TMED3: variants seen among roughly 807,000 people sequenced by gnomAD.
The protein encoded by TMED3 is transmembrane emp24 domain-containing protein 3.
In TMED3, 9 loss-of-function variants were observed where a neutral mutation model predicts 15.0. That is an observed-to-expected ratio of 0.60 (90% confidence interval 0.36 to 1.04). The LOEUF (loss-of-function observed/expected upper bound fraction) is 1.04, where lower values mean the gene tolerates loss of function less well. Among genes scored for constraint, TMED3 ranks in the 50% least tolerant of loss-of-function variants. TMED3 has a pLI of 0.01. For missense variants in TMED3, 267 were observed against 278.9 expected (o/e 0.96, Z 0.30); for synonymous variants, 117 against 121.4 (o/e 0.96, Z 0.24).
downstream of TMED3, among the ~76,000 whole-genome samples, chr15:79,325,955 C>A (rs549277425): frequency 6.6e-6 from 1 of 152,156 alleles, no homozygotes; most frequent in Non-Finnish European, 1.5e-5. Context: ...GGTGGGTCAT[C>A]CTCTCCCAGT....
chr15:79,382,692 A>G (rs1893556808), intron 2 of TMED3, among the ~76,000 whole-genome samples: 1 of 151,966 alleles, frequency 6.6e-6, no homozygotes, highest in South Asian at 2.1e-4. Context: ...GGAAACCTTA[A>G]TCCCTTTCTC....
intron 2 of TMED3, among the ~76,000 whole-genome samples, chr15:79,382,581 C>T (rs1022612550): frequency 6.6e-6 from 1 of 152,226 alleles, no homozygotes; most frequent in Non-Finnish European, 1.5e-5. Flanking sequence ...CTCTGGCCTT[C>T]CCCAGGCTAC....
intron 2 of TMED3, among the ~76,000 whole-genome samples, chr15:79,373,605 G>A (rs1893378707): frequency 6.6e-6 from 1 of 152,202 alleles, no homozygotes; most frequent in African/African-American, 2.4e-5. Flanking sequence ...TAGTTGGTTT[G>A]TGTTGATGCA....
chr15:79,388,217 C>T (rs1048407582), intron 2 of TMED3, among the ~76,000 whole-genome samples: 2 of 152,008 alleles, frequency 1.3e-5, no homozygotes, highest in Non-Finnish European at 2.9e-5. Context: ...ATGATGTTTT[C>T]GGTAGCCTTT....
At chr15:79,406,249 C>T (rs997783159) in intron 2 of TMED3, among the ~76,000 whole-genome samples, 1 of 152,318 alleles carries the variant, frequency 6.6e-6, no homozygotes, top group African/African-American at 2.4e-5. Flanking sequence ...GGGGCTGTTT[C>T]TTGGACTTCC....
At chr15:79,354,254 G>T (rs1234355121) in intron 2 of TMED3, among the ~76,000 whole-genome samples, 1 of 152,182 alleles carries the variant, frequency 6.6e-6, no homozygotes, top group African/African-American at 2.4e-5. Flanking sequence ...TTCTCTGTGG[G>T]GTGAGGAGGG....
At position 79,356,047 on chromosome 15, in the gene TMED3, G is replaced by C. The variant is rs2058917595; in HGVS notation, c.417+42042G>C. 1.3e-5 allele frequency among the ~76,000 whole-genome samples: 2 copies of C among 151,958 alleles called. 1 individual carries two copies. The highest frequency in any genetic ancestry group is 4.2e-4 in the South Asian group (2 of 4,796). Reference sequence around the variant, plus strand: ...GTCCAGCTTGTCCTCATTAGTTGGGGGAACTGAGCTTAATGGGACATTCTG... The same window carrying C: ...GTCCAGCTTGTCCTCATTAGTTGGGCGAACTGAGCTTAATGGGACATTCTG... On this transcript the variant is annotated intron_variant, in intron 2 of 2. Transcript: ENST00000424155.
chr15:79,390,838 C>A (rs575468880), intron 2 of TMED3, among the ~76,000 whole-genome samples: 6 of 151,916 alleles, frequency 3.9e-5, no homozygotes, highest in African/African-American at 1.4e-4. Flanking sequence ...GGAATTTATC[C>A]ATCTCTTCTA....
At position 79,322,224 on chromosome 15, in the gene TMED3, C is replaced by T. The variant is rs1177774251; in HGVS notation, c.*10C>T. The stretch of plus-strand genomic sequence containing the variant: ...GGCAGTCCACTCCTAGCCCCGGCAT[C>T]CTGCTCTAGGGCCCCTCATGCCCCA... On this transcript the variant is annotated 3_prime_UTR_variant, in exon 3 of 3. Transcript: ENST00000299705. 2.5e-6 allele frequency: 4 copies of T among 1,608,614 alleles called. No individual in the cohort carries two copies. The highest frequency in any genetic ancestry group is 3.4e-6 in the Non-Finnish European group (4 of 1,176,716).
At chr15:79,403,154 CAG>C (rs1414512441) in intron 2 of TMED3, among the ~76,000 whole-genome samples, 2 of 130,824 alleles carry the variant, frequency 1.5e-5, no homozygotes, top group African/African-American at 5.9e-5. Flanking sequence ...GCCCAGGAAA[CAG>C]AGATTGCAGT....
chr15:79,406,239 G>T (rs1166557193), intron 2 of TMED3, among the ~76,000 whole-genome samples: 1 of 152,206 alleles, frequency 6.6e-6, no homozygotes, highest in African/African-American at 2.4e-5. Context: ...ACCGGGGTGA[G>T]GGGCTGTTTC....
chr15:79,331,542 C>CAAAAAAAAAAAAAAAAAAAAGA (rs71451761), intron 2 of TMED3, among the ~76,000 whole-genome samples: 27 of 89,200 alleles, frequency 3.0e-4, no homozygotes, highest in Middle Eastern at 5.7e-3. Context: ...GCAAAAGAAG[C>CAAAAAAAAAAAAAAAAAAAAGA]AAAAAAAAAA....
chr15:79,336,307 C>T (rs574310366), intron 2 of TMED3, among the ~76,000 whole-genome samples: 69 of 152,228 alleles, frequency 4.5e-4, no homozygotes, highest in African/African-American at 1.6e-3. Flanking sequence ...AAAAGCTAGG[C>T]CCCCACTGGC....
intron 2 of TMED3, among the ~76,000 whole-genome samples, chr15:79,367,625 T>G (rs1239267342): frequency 2.0e-5 from 3 of 152,186 alleles, no homozygotes; most frequent in Non-Finnish European, 4.4e-5. Flanking sequence ...CTGGATGGTC[T>G]TTGGCTGAGG....
intron 2 of TMED3, among the ~76,000 whole-genome samples, chr15:79,370,024 C>T (rs1410215351): frequency 1.3e-5 from 2 of 152,178 alleles, no homozygotes; most frequent in African/African-American, 4.8e-5. Flanking sequence ...AGAGTTCTGT[C>T]TTGGAGAACA....
intron 1 of TMED3, among the ~76,000 whole-genome samples, chr15:79,312,871 CCT>C (rs2058722230): frequency 6.6e-6 from 1 of 152,126 alleles, no homozygotes; most frequent in African/African-American, 2.4e-5. Context: ...AGGGGGAACA[CCT>C]GTCTGTTATT....
At chr15:79,411,037 A>C (rs1331892984) in intron 2 of TMED3, among the ~76,000 whole-genome samples, 1 of 152,238 alleles carries the variant, frequency 6.6e-6, no homozygotes, top group Admixed American at 6.5e-5. Flanking sequence ...TAGCAATAGC[A>C]AAGAAATTTT....
rs1893375319 is a variant in TMED3, at chr15:79,373,378, G to A, written c.418-38022G>A. Among the ~76,000 whole-genome samples, 5 of 152,154 alleles carry A rather than the reference G, an allele frequency of 3.3e-5. No homozygotes were observed. In the South Asian group the frequency reaches 8.3e-4, roughly 25 times the overall value. On this transcript the variant is annotated intron_variant, in intron 2 of 2. Transcript: ENST00000424155. ...TTTGGCTGTTCAATTGTCTTCAACT[G>A]CAAAAGGTTATAAATATGGTTTAAT...
At chr15:79,319,091 TG>T (rs1174071600) in intron 2 of TMED3, among the ~76,000 whole-genome samples, 2 of 152,206 alleles carry the variant, frequency 1.3e-5, no homozygotes, top group Non-Finnish European at 2.9e-5. Flanking sequence ...GAGGTACTCA[TG>T]GGGGACAAAT....
Sources: gnomAD v4.1 joint callset for allele counts (sites outside exome capture counted in the v4.1 genomes callset) on GRCh38, gnomAD v4.1.1 for gene constraint, MANE v1.5 for transcripts, NCBI Gene and HGNC (gene_info 2026-07-23, HGNC 2026-07-21) for gene names.